Variants in ARID4A observed in about 807,000 individuals in gnomAD.
ARID4A encodes AT-rich interactive domain-containing protein 4A.
In ARID4A, 39 loss-of-function variants were observed where a neutral mutation model predicts 148.6. That is an observed-to-expected ratio of 0.26 (90% CI 0.20 to 0.34). ARID4A has a LOEUF of 0.34. Among genes scored for constraint, ARID4A ranks in the 10% least tolerant of loss-of-function variants. The pLI, the probability that ARID4A is intolerant of heterozygous loss-of-function variation, is 1.00. For missense variants in ARID4A, 1,265 were observed against 1,449.1 expected (o/e 0.87, Z 2.06); for synonymous variants, 475 against 481.2 (o/e 0.99, Z 0.17).
At chr14:58,317,624 CTTTTTTTTTT>C (rs71107933) in intron 5 of ARID4A, among the ~76,000 whole-genome samples, 3 of 69,888 alleles carry the variant, frequency 4.3e-5, no homozygotes, top group Admixed American at 2.3e-4. Context: ...TTATATTTGT[CTTTTTTTTTT>C]TTTTTTTTTT....
intron 11 of ARID4A, among the ~76,000 whole-genome samples, chr14:58,344,051 G>GT (rs1178355640): frequency 1.3e-5 from 2 of 151,988 alleles, no homozygotes; most frequent in Non-Finnish European, 2.9e-5. Context: ...ATTTTTAGGT[G>GT]TTGCAAAGTC....
At chr14:58,345,140 A>G (rs1261496497) in intron 12 of ARID4A, among the ~76,000 whole-genome samples, 1 of 152,140 alleles carries the variant, frequency 6.6e-6, no homozygotes. Flanking sequence ...CTGCCTCCCA[A>G]AGTGCTGAGA....
At chr14:58,350,690 C>T (rs1010942400) in intron 15 of ARID4A, among the ~76,000 whole-genome samples, 1 of 152,022 alleles carries the variant, frequency 6.6e-6, no homozygotes, top group Non-Finnish European at 1.5e-5. Context: ...ATTATTGTTA[C>T]GTTTTATCAT....
Position 58,329,535 on chromosome 14 carries a change from A to G in ARID4A, c.670A>G (p.Ile224Val), listed in dbSNP as rs138296226. ...CTTCTTCTTGATAATTAGTTACTCT[A>G]TAGCAAGAAAGGACATTAAGGAAGT... is the stretch of plus-strand genomic sequence containing the variant. ...RSFIDSKFYSIARKDIKEVDI... is the reference protein window; with the variant it reads ...RSFIDSKFYSVARKDIKEVDI... Residue 224 changes from isoleucine (I) to valine (V), a missense_variant, in exon 10 of 24, where the codon ATA becomes GTA. By Grantham distance (29) the Ile-to-Val change is conservative (BLOSUM62 3). This residue lies in a region of ARID4A where 249 missense variants were observed against 277.2 expected (regional missense o/e 0.90). Transcript: ENST00000355431. 6.7e-4 allele frequency: 1,069 copies of G among 1,594,826 alleles called. 6 individuals are homozygous for G. The highest frequency in any genetic ancestry group is 2.2e-4 in the Non-Finnish European group (251 of 1,162,670).
chr14:58,321,781 T>G (rs765922784), intron 7 of ARID4A, among the ~76,000 whole-genome samples: 3 of 152,074 alleles, frequency 2.0e-5, no homozygotes, highest in Non-Finnish European at 2.9e-5. Flanking sequence ...TATATCACTT[T>G]GGGAAAATTA....
chr14:58,304,865 G>T, intron 3 of ARID4A, 79 bp from the exon 4 acceptor site: 1 of 1,179,174 alleles, frequency 8.5e-7, no homozygotes, highest in Non-Finnish European at 1.2e-6. Context: ...ATAAATTAAA[G>T]ACATTATTGT....
intron 5 of ARID4A, among the ~76,000 whole-genome samples, chr14:58,309,101 A>C (rs1006118812): frequency 1.3e-5 from 2 of 152,052 alleles, no homozygotes; most frequent in African/African-American, 4.8e-5. Flanking sequence ...CTTACCCTCT[A>C]ATGGTTTATT....
chr14:58,366,915 A>G lies in ARID4A; in HGVS notation c.3556A>G (p.Ile1186Val). ...ELDNMNSTERISFLQEKLQEI... is the reference protein window; with the variant it reads ...ELDNMNSTERVSFLQEKLQEI... ...AGATAATATGAACAGTACAGAGAGA[A>G]TCTCATTTCTCCAAGAAAAACTACA... Residue 1186 changes from isoleucine (I) to valine (V), a missense_variant, in exon 23 of 24, where the codon ATC becomes GTC. Ile to Val is a conservative substitution (Grantham distance 29). Around this residue, in one of 9 missense-constraint regions of ARID4A, gnomAD observed 666 missense variants for 730.9 expected, o/e 0.91. Transcript: ENST00000355431. The G allele has an allele frequency of 6.6e-7, 1 of 1,515,210 alleles. No homozygotes were observed. The highest frequency in any genetic ancestry group is 8.8e-7 in the Non-Finnish European group (1 of 1,141,486). 93.9% of individuals were successfully genotyped at this position (1,515,210 alleles called of 1,614,324 possible). A position where few individuals can be genotyped will look rare whatever the true frequency, so the allele number is the denominator to read the frequency against.
At chr14:58,323,420 T>A (rs1260041679) in intron 7 of ARID4A, 65 bp from the exon 8 acceptor site, 1 of 1,544,522 alleles carries the variant, frequency 6.5e-7, no homozygotes, top group East Asian at 2.3e-5. Context: ...TATATTAAAT[T>A]CACAATACTC....
rs371897714 is a variant in ARID4A at position 58,373,323 on chromosome 14, G to A, written c.*1334G>A. On this transcript the variant is annotated 3_prime_UTR_variant, in exon 24 of 24. Transcript: ENST00000355431. Reference sequence around the variant, plus strand: ...ATTCTTCCAAAATCATGTATTTAAAGCAGTTTTGCATATACATTATGTAAA... The same window carrying A: ...ATTCTTCCAAAATCATGTATTTAAAACAGTTTTGCATATACATTATGTAAA... 1 of 190,482 alleles carries A rather than the reference G, an allele frequency of 5.2e-6. No homozygotes were observed. Among genetic ancestry groups the A allele is most frequent in the African/African-American group, 2.3e-5 (1 of 42,856 alleles). The allele number at this position is 190,482 out of a possible 1,614,324, so 11.8% of individuals were successfully genotyped here. A position where few individuals can be genotyped will look rare whatever the true frequency, so the allele number is the denominator to read the frequency against.
At chr14:58,354,643 A>G (rs770531572) in intron 17 of ARID4A, among the ~76,000 whole-genome samples, 9 of 151,510 alleles carry the variant, frequency 5.9e-5, no homozygotes, top group Non-Finnish European at 1.2e-4. Context: ...TGATCATACC[A>G]CTGTACTCCA....
intron 5 of ARID4A, among the ~76,000 whole-genome samples, chr14:58,317,538 A>G (rs890873084): frequency 3.4e-5 from 5 of 145,178 alleles, no homozygotes; most frequent in South Asian, 2.2e-4. Context: ...TGATCCGCCC[A>G]CCTCGCCTCC....
At chr14:58,336,010 AGTT>A (rs893163789) in intron 11 of ARID4A, among the ~76,000 whole-genome samples, 3 of 151,738 alleles carry the variant, frequency 2.0e-5, no homozygotes, top group Non-Finnish European at 4.4e-5. Flanking sequence ...GATCTACAGT[AGTT>A]GTTTGTTTTT....
intron 19 of ARID4A, among the ~76,000 whole-genome samples, chr14:58,362,253 G>T (rs759607500): frequency 1.3e-5 from 2 of 151,936 alleles, no homozygotes; most frequent in Non-Finnish European, 2.9e-5. Flanking sequence ...GCTTGTACTC[G>T]TTTCCCCCAC....
intron 17 of ARID4A, among the ~76,000 whole-genome samples, chr14:58,355,918 C>T (rs574927704): frequency 2.3e-4 from 35 of 152,110 alleles, no homozygotes; most frequent in Admixed American, 1.1e-3. Context: ...TTTTATTATA[C>T]GCTCAGGTTT....
intron 11 of ARID4A, among the ~76,000 whole-genome samples, chr14:58,339,705 GA>G: frequency 6.6e-6 from 1 of 152,122 alleles, no homozygotes; most frequent in East Asian, 1.9e-4. Flanking sequence ...AACTTTGTTA[GA>G]TTGGGTATTT....
chr14:58,319,948 CT>C (rs1011938946), intron 7 of ARID4A, among the ~76,000 whole-genome samples: 248 of 127,180 alleles, frequency 1.9e-3, no homozygotes, highest in African/African-American at 4.8e-3. Flanking sequence ...TTTTTCTTTT[CT>C]TTTTTTTTTT....
chr14:58,303,256 C>CAT (rs2031336990), intron 3 of ARID4A, among the ~76,000 whole-genome samples: 1 of 152,144 alleles, frequency 6.6e-6, no homozygotes, highest in Admixed American at 6.5e-5. Context: ...AGATAATTTG[C>CAT]ATATCTATCA....
chr14:58,307,735 G>A (rs1467958453), intron 5 of ARID4A, among the ~76,000 whole-genome samples: 6 of 152,182 alleles, frequency 3.9e-5, no homozygotes, highest in East Asian at 1.9e-4. Context: ...CAGGAGAATC[G>A]CTTGAATCTG....
Sources: allele counts gnomAD v4.1 joint callset (sites outside exome capture counted in the v4.1 genomes callset), GRCh38; gene constraint gnomAD v4.1.1; regional missense constraint gnomAD v4.1.1; transcripts MANE v1.5; gene names NCBI Gene and HGNC (gene_info 2026-07-23, HGNC 2026-07-21).